Variants in PCLO observed in about 807,000 individuals in gnomAD.
The protein encoded by PCLO is protein piccolo.
PCLO carries 82 observed loss-of-function variants against 427.5 expected under a neutral mutation model. That is an observed-to-expected ratio of 0.19 (90% CI 0.16 to 0.23). The LOEUF (loss-of-function observed/expected upper bound fraction) is 0.23, where lower values mean the gene tolerates loss of function less well. PCLO is among the 10% of genes least tolerant of loss of function. The pLI, the probability that PCLO is intolerant of heterozygous loss-of-function variation, is 1.00. For missense variants in PCLO, 6,239 were observed against 6,115.9 expected (o/e 1.02, Z -0.67); for synonymous variants, 2,357 against 2,155.4 (o/e 1.09, Z -2.59).
At chr7:83,087,355 A>C (rs2116423126) in intron 3 of PCLO, among the ~76,000 whole-genome samples, 1 of 152,162 alleles carries the variant, frequency 6.6e-6, no homozygotes, top group South Asian at 2.1e-4. Flanking sequence ...GGTACAACGT[A>C]CACTACTGGG....
At chr7:82,918,806 T>C (rs752648754) in intron 6 of PCLO, among the ~76,000 whole-genome samples, 11 of 152,162 alleles carry the variant, frequency 7.2e-5, no homozygotes, top group East Asian at 5.8e-4. Flanking sequence ...CTCACGACCG[T>C]GATGCCTAAC....
chr7:82,862,054 A>G (rs1276233714), intron 10 of PCLO, among the ~76,000 whole-genome samples: 3 of 152,028 alleles, frequency 2.0e-5, no homozygotes, highest in Non-Finnish European at 4.4e-5. Flanking sequence ...AAAGAACTAG[A>G]AAAGCAAGAG....
chr7:82,781,685 C>T (rs897083395), intron 22 of PCLO, among the ~76,000 whole-genome samples: 3 of 152,182 alleles, frequency 2.0e-5, no homozygotes, highest in Non-Finnish European at 4.4e-5. Flanking sequence ...TAGAATCTCT[C>T]TCCTGCCCTC....
At chr7:82,802,365 G>A (rs1791372772) in intron 21 of PCLO, among the ~76,000 whole-genome samples, 1 of 152,094 alleles carries the variant, frequency 6.6e-6, no homozygotes, top group Non-Finnish European at 1.5e-5. Flanking sequence ...GCTCGTAGTA[G>A]CCTTAGAATT....
At position 82,757,878 on chromosome 7, in the gene PCLO, T is replaced by C. The variant is rs1369301999; in HGVS notation, c.*697A>G. On this transcript the variant is annotated 3_prime_UTR_variant, in exon 25 of 25. Coordinates refer to ENST00000333891, the MANE Select transcript of PCLO (RefSeq NM_033026.6). ...TATTTCTACTGAGTATTATCTTCACTCTACCTTGTTTCAAATGATACAGAA... is the reference window on the plus strand; with the variant it reads ...TATTTCTACTGAGTATTATCTTCACCCTACCTTGTTTCAAATGATACAGAA... The C allele has an allele frequency of 6.6e-6, 1 of 152,068 alleles. No homozygotes were observed. Among genetic ancestry groups the C allele is most frequent in the Non-Finnish European group, 1.5e-5 (1 of 67,940 alleles). 9.4% of individuals were successfully genotyped at this position (152,068 alleles called of 1,614,324 possible).
chr7:82,947,254 C>A (rs994720004), intron 6 of PCLO, among the ~76,000 whole-genome samples: 3 of 152,228 alleles, frequency 2.0e-5, no homozygotes, highest in East Asian at 1.9e-4. Flanking sequence ...TAAAACTTAT[C>A]TTTTACAGTG....
At chr7:82,882,464 G>T (rs376787386) in intron 9 of PCLO, among the ~76,000 whole-genome samples, 2 of 152,180 alleles carry the variant, frequency 1.3e-5, no homozygotes, top group African/African-American at 4.8e-5. Flanking sequence ...AAATGGTCTT[G>T]TTCTTGTGTT....
At chr7:83,031,768 C>T (rs919147363) in intron 3 of PCLO, among the ~76,000 whole-genome samples, 4 of 151,356 alleles carry the variant, frequency 2.6e-5, no homozygotes, top group Non-Finnish European at 4.4e-5. Context: ...CACACACACA[C>T]GCTCACACAC....
chr7:83,093,554 G>C (rs1387108347), intron 3 of PCLO, among the ~76,000 whole-genome samples: 1 of 140,352 alleles, frequency 7.1e-6, no homozygotes, highest in African/African-American at 2.6e-5. Context: ...GTGCAGTGGC[G>C]TGATCTCCGC....
At chr7:83,121,424 A>T (rs1791275975) in intron 3 of PCLO, among the ~76,000 whole-genome samples, 1 of 152,158 alleles carries the variant, frequency 6.6e-6, no homozygotes, top group African/African-American at 2.4e-5. Flanking sequence ...ATACCACCAG[A>T]AAAAATCACT....
Position 82,995,093 on chromosome 7 carries a change from T to C in PCLO, c.3301-28606A>G, listed in dbSNP as rs79971154. Among the ~76,000 whole-genome samples the C allele has an allele frequency of 6.0e-4, 92 of 152,074 alleles. 4 individuals are homozygous for C. The East Asian group carries it at 0.017, about 29-fold the overall frequency. ...GGGTCTGAAGCTCAGAAAAGAGATA[T>C]GATACAGAGATGCATATTTGGGAGT... is the stretch of plus-strand genomic sequence containing the variant. On this transcript the variant is annotated intron_variant, in intron 3 of 24. Coordinates refer to ENST00000333891, the MANE Select transcript of PCLO (RefSeq NM_033026.6).
chr7:83,071,988 T>C (rs989117169), intron 3 of PCLO, among the ~76,000 whole-genome samples: 6 of 152,168 alleles, frequency 3.9e-5, no homozygotes, highest in Non-Finnish European at 7.4e-5. Flanking sequence ...CTGCTGAATA[T>C]GTGATTCAAA....
chr7:82,761,182 T>A (rs1790425620), intron 23 of PCLO, among the ~76,000 whole-genome samples, 177 bp downstream of exon 23: 1 of 151,904 alleles, frequency 6.6e-6, no homozygotes, highest in South Asian at 2.1e-4. Context: ...CTATAATGTA[T>A]ATGTTAAAAT....
chr7:82,868,208 C>T, intron 10 of PCLO: 2 of 456,486 alleles, frequency 4.4e-6, no homozygotes, highest in Non-Finnish European at 8.8e-6. Context: ...GTAACATATG[C>T]CAAAAAAGCA....
At chr7:82,849,717 C>T (rs1175224255) in intron 10 of PCLO, among the ~76,000 whole-genome samples, 1 of 151,916 alleles carries the variant, frequency 6.6e-6, no homozygotes, top group East Asian at 1.9e-4. Context: ...ATTTAAAATG[C>T]ATGCAAAATT....
chr7:83,037,989 T>TATA, intron 3 of PCLO, among the ~76,000 whole-genome samples: 1 of 13,596 alleles, frequency 7.4e-5, no homozygotes, highest in South Asian at 4.1e-3. Flanking sequence ...AAGGAGGAGC[T>TATA]TATATATATA....
At chr7:82,785,263 G>C (rs2129468242) in intron 22 of PCLO, among the ~76,000 whole-genome samples, 1 of 152,112 alleles carries the variant, frequency 6.6e-6, no homozygotes, top group East Asian at 1.9e-4. Context: ...ACACAACCTA[G>C]ATCCATCACA....
chr7:83,017,026 A>G (rs1046908392), intron 3 of PCLO, among the ~76,000 whole-genome samples: 12 of 152,260 alleles, frequency 7.9e-5, no homozygotes, highest in African/African-American at 2.9e-4. Flanking sequence ...TTATGGCTCT[A>G]TTCAGACTGA....
Position 82,805,708 on chromosome 7 carries a change from A to T in PCLO, c.14913T>A (p.Asn4971Lys). Residue 4971 changes from asparagine (N) to lysine (K), a missense_variant, in exon 21 of 25, where the codon AAT (asparagine) becomes AAA (lysine). Asn to Lys is a moderately conservative substitution (Grantham distance 94). This residue lies in a region of PCLO where 877 missense variants were observed against 925.5 expected (regional missense o/e 0.95). Transcript: ENST00000333891. ...CTTACATCCTCGGAATAGGAAATAG[A>T]TTAGTCTCCCCTGCAGTGCTGCTGC... is the stretch of plus-strand genomic sequence containing the variant. ...EGSSSTAGET[N>K]LFPIPRIGKM... 6.2e-7 allele frequency: 1 copy of T among 1,613,004 alleles called. No homozygotes were observed. Among genetic ancestry groups the T allele is most frequent in the Non-Finnish European group, 8.5e-7 (1 of 1,179,478 alleles).
Sources: gnomAD v4.1 joint callset for allele counts (sites outside exome capture counted in the v4.1 genomes callset) on GRCh38, gnomAD v4.1.1 for gene constraint, gnomAD v4.1.1 regional missense constraint, MANE v1.5 for transcripts, NCBI Gene and HGNC (gene_info 2026-07-23, HGNC 2026-07-21) for gene names.